Variants in DLC1 observed in about 807,000 individuals in gnomAD.
DLC1 encodes the protein DLC1 Rho GTPase activating protein.
Under a neutral mutation model 140.3 loss-of-function variants are expected in DLC1, and 54 were observed. That is an observed-to-expected ratio of 0.38 (90% CI 0.31 to 0.48). The LOEUF is 0.48. DLC1 is among the 20% of genes least tolerant of loss of function. The pLI is 0.96. For synonymous variants in DLC1, 986 were observed against 728.1 expected, an observed-to-expected ratio of 1.35 and a Z score of -5.70; for missense variants, 2,536 against 1,907.0, an observed-to-expected ratio of 1.33 and a Z score of -6.14.
At chr8:13,384,878 A>T (rs950756190) in intron 4 of DLC1, among the ~76,000 whole-genome samples, 6 of 152,046 alleles carry the variant, frequency 3.9e-5, no homozygotes, top group Non-Finnish European at 5.9e-5. Flanking sequence ...CTTCGTGGGG[A>T]TGCTCTTGGA....
rs372753052 is a variant in DLC1 at position 13,137,603 on chromosome 8, G to GTGTT, written c.1349-21947_1349-21946insAACA. Among the ~76,000 whole-genome samples the GTGTT allele has an allele frequency of 9.0e-4, 121 of 134,358 alleles. 1 individual carries two copies. Among genetic ancestry groups the GTGTT allele is most frequent in the Middle Eastern group, 7.5e-3 (2 of 266 alleles). The allele number at this position is 134,358 out of a possible 152,430, so 88.1% of individuals were successfully genotyped here. On this transcript the variant is annotated intron_variant, in intron 5 of 17. Transcript: ENST00000276297. ...AGCTTGGACATCAGTTTTTGGTTTTGTTTTTTTTTTTTTTTGAGATGGAGT... is the reference window on the plus strand; with the variant it reads ...AGCTTGGACATCAGTTTTTGGTTTTGTGTTTTTTTTTTTTTTTTTGAGATGGAGT...
rs201415336 is a variant in DLC1, at chr8:13,091,408, C to G, written c.3765G>C (p.Leu1255Phe). The G allele has an allele frequency of 5.0e-6, 8 of 1,614,032 alleles. No individual in the cohort carries two copies. Among genetic ancestry groups the G allele is most frequent in the Non-Finnish European group, 5.9e-6 (7 of 1,179,994 alleles). Reference sequence around the variant, plus strand: ...TCAAATCTTTCTGATCTGGTTTGCCCAAACTTTGTTTTCTTTGCATTACCC... The same window carrying G: ...TCAAATCTTTCTGATCTGGTTTGCCGAAACTTTGTTTTCTTTGCATTACCC... The part of the protein sequence containing the change: ...SPRVMQRKQS[L>F]GKPDQKDLNE... Residue 1255 changes from leucine (L) to phenylalanine (F), a missense_variant, in exon 14 of 18, where the codon TTG becomes TTC. By Grantham distance (22) the Leu-to-Phe change is conservative. Transcript: ENST00000276297.
chr8:13,401,799 C>T (rs1837312913), intron 2 of DLC1, among the ~76,000 whole-genome samples, 180 bp from the exon 3 acceptor site: 1 of 151,846 alleles, frequency 6.6e-6, no homozygotes, highest in African/African-American at 2.4e-5. Context: ...GACCTAGTGC[C>T]AAGAAAGCAT....
chr8:13,530,456 G>C (rs769947989), intron 1 of DLC1, among the ~76,000 whole-genome samples: 9 of 152,280 alleles, frequency 5.9e-5, no homozygotes, highest in South Asian at 4.1e-4. Flanking sequence ...TCTGGTTTTT[G>C]CTTTCATTCT....
intron 2 of DLC1, among the ~76,000 whole-genome samples, chr8:13,406,181 G>GTTGTTTTTTTTTT (rs1554514489): frequency 1.6e-4 from 14 of 84,958 alleles, no homozygotes; most frequent in Non-Finnish European, 3.0e-4. Context: ...TAATTTTTGT[G>GTTGTTTTTTTTTT]TTTTTTTTTT....
At chr8:13,556,280 C>G (rs1278591898) in intron 1 of DLC1, among the ~76,000 whole-genome samples, 1 of 152,140 alleles carries the variant, frequency 6.6e-6, no homozygotes, top group African/African-American at 2.4e-5. Flanking sequence ...GCCAATGTCC[C>G]TGGTCCTGGA....
chr8:13,363,199 G>A (rs1835319141), intron 4 of DLC1, among the ~76,000 whole-genome samples: 1 of 152,264 alleles, frequency 6.6e-6, no homozygotes, highest in South Asian at 2.1e-4. Context: ...AAGTATTTCT[G>A]TATTTTAATT....
chr8:13,110,201 A>G (rs1414515786), intron 7 of DLC1, among the ~76,000 whole-genome samples: 1 of 152,190 alleles, frequency 6.6e-6, no homozygotes, highest in Non-Finnish European at 1.5e-5. Flanking sequence ...CCAAAACCAC[A>G]ATGATCAAGA....
intron 5 of DLC1, among the ~76,000 whole-genome samples, chr8:13,257,777 G>A (rs1479851287): frequency 6.6e-6 from 1 of 151,822 alleles, no homozygotes; most frequent in African/African-American, 2.4e-5. Flanking sequence ...CATGCTGAAG[G>A]TAGAATGTTC....
At chr8:13,370,702 C>T (rs1331297250) in intron 4 of DLC1, among the ~76,000 whole-genome samples, 1 of 152,160 alleles carries the variant, frequency 6.6e-6, no homozygotes, top group Admixed American at 6.6e-5. Flanking sequence ...TGTCACTAAG[C>T]TCTGCTTTTC....
chr8:13,196,306 A>G (rs1827051026), intron 5 of DLC1, among the ~76,000 whole-genome samples: 1 of 152,218 alleles, frequency 6.6e-6, no homozygotes, highest in African/African-American at 2.4e-5. Context: ...TTCTGGATAC[A>G]AGAAGAAAAA....
intron 7 of DLC1, 69 bp downstream of exon 7, chr8:13,110,673 C>T: frequency 2.1e-6 from 3 of 1,425,352 alleles, no homozygotes; most frequent in African/African-American, 1.4e-5. Flanking sequence ...CAAACAAAGC[C>T]TATCTTTGTG....
At chr8:13,530,975 T>G (rs1351478616) in intron 1 of DLC1, among the ~76,000 whole-genome samples, 1 of 152,092 alleles carries the variant, frequency 6.6e-6, no homozygotes, top group Non-Finnish European at 1.5e-5. Context: ...GATGATGCAT[T>G]TGGGAGACAA....
At chr8:13,260,630 A>G (rs562307636) in intron 5 of DLC1, among the ~76,000 whole-genome samples, 15 of 150,748 alleles carry the variant, frequency 1.0e-4, no homozygotes, top group African/African-American at 3.7e-4. Flanking sequence ...AGGAGGAAAG[A>G]AAAAGAAAGG....
chr8:13,133,814 C>A (rs1054828345), intron 5 of DLC1, among the ~76,000 whole-genome samples: 2 of 151,934 alleles, frequency 1.3e-5, no homozygotes, highest in Non-Finnish European at 2.9e-5. Context: ...GGAGGGGAAG[C>A]GGAGAGGAAG....
intron 5 of DLC1, among the ~76,000 whole-genome samples, chr8:13,158,751 C>G (rs1317327693): frequency 8.2e-6 from 1 of 121,822 alleles, no homozygotes; most frequent in Non-Finnish European, 1.8e-5. Flanking sequence ...CCCCCCCGCC[C>G]GCCACACATC....
chr8:13,167,516 C>T (rs1585823124), intron 5 of DLC1, among the ~76,000 whole-genome samples: 2 of 152,146 alleles, frequency 1.3e-5, no homozygotes, highest in East Asian at 1.9e-4. Context: ...ATTTTATCTA[C>T]CGGGTCTCAA....
At chr8:13,118,421 A>C (rs1477283495) in intron 5 of DLC1, among the ~76,000 whole-genome samples, 2 of 152,258 alleles carry the variant, frequency 1.3e-5, no homozygotes, top group Non-Finnish European at 2.9e-5. Flanking sequence ...CCCTAAAAAA[A>C]AATGACAATT....
intron 2 of DLC1, among the ~76,000 whole-genome samples, chr8:13,494,511 G>A (rs1439324949): frequency 6.6e-6 from 1 of 152,184 alleles, no homozygotes; most frequent in African/African-American, 2.4e-5. Flanking sequence ...AGAGAGGGTA[G>A]ATAAAAGGGG....
Sources: allele counts gnomAD v4.1 joint callset (sites outside exome capture counted in the v4.1 genomes callset), GRCh38; gene constraint gnomAD v4.1.1; transcripts MANE v1.5; gene names NCBI Gene and HGNC (gene_info 2026-07-23, HGNC 2026-07-21).